Variants in LAMA4 observed in about 807,000 individuals in gnomAD.
LAMA4 encodes laminin subunit alpha 4, also known as laminin subunit alpha-4.
In LAMA4, 127 loss-of-function variants were observed where a neutral mutation model predicts 207.1. The ratio of observed to expected loss-of-function variants is 0.61; its 90% CI spans 0.53 to 0.71. The LOEUF (loss-of-function observed/expected upper bound fraction) is 0.71, where lower values mean the gene tolerates loss of function less well. Among genes scored for constraint, LAMA4 ranks in the 30% least tolerant of loss-of-function variants. LAMA4 has a pLI of 0.00. For missense variants in LAMA4, 2,093 were observed against 2,246.5 expected, an observed-to-expected ratio of 0.93 and a Z score of 1.38; for synonymous variants, 761 against 816.0, an observed-to-expected ratio of 0.93 and a Z score of 1.15.
chr6:112,124,757 ATC>A (rs1554327060), intron 31 of LAMA4, among the ~76,000 whole-genome samples: 2 of 139,558 alleles, frequency 1.4e-5, no homozygotes, highest in African/African-American at 5.5e-5. Flanking sequence ...ATATAGGGGT[ATC>A]TTTTTTTTTT....
Position 112,139,246 on chromosome 6 carries a change from G to A in LAMA4, c.3156C>T (p.Phe1052=), listed in dbSNP as rs782223725. Residue 1052 remains phenylalanine, a synonymous_variant, in exon 24 of 39, where the codon TTC becomes TTT. Coordinates refer to ENST00000230538, the MANE Select transcript of LAMA4 (RefSeq NM_001105206.3). ...FTQSRAASYF[F]DGSGYAVVRD... is the part of the protein sequence containing the mutation. ...TCACCACGGCATAACCGGAGCCATC[G>A]AAGAAGTAACTGGCAGCCCGACTCT... 5.0e-6 allele frequency: 8 copies of A among 1,614,104 alleles called. No homozygotes were observed. Among genetic ancestry groups the A allele is most frequent in the South Asian group, 2.2e-5 (2 of 91,078 alleles).
intron 2 of LAMA4, among the ~76,000 whole-genome samples, chr6:112,233,491 C>T (rs1370610138): frequency 2.0e-5 from 3 of 152,168 alleles, no homozygotes; most frequent in African/African-American, 7.2e-5. Flanking sequence ...GAAATTTAAG[C>T]TGTATCTGTA....
chr6:112,244,762 A>G (rs1786789938), intron 2 of LAMA4, among the ~76,000 whole-genome samples: 3 of 152,182 alleles, frequency 2.0e-5, no homozygotes, highest in African/African-American at 7.2e-5. Context: ...TAAGTCTGAC[A>G]TTCTATGATT....
At chr6:112,163,652 T>C (rs1262102322) in intron 13 of LAMA4, among the ~76,000 whole-genome samples, 1 of 151,688 alleles carries the variant, frequency 6.6e-6, no homozygotes, top group East Asian at 1.9e-4. Context: ...ACAGTGGGAG[T>C]CTGGGAGGTA....
chr6:112,246,101 C>T (rs756417764), intron 2 of LAMA4, among the ~76,000 whole-genome samples: 1 of 152,112 alleles, frequency 6.6e-6, no homozygotes, highest in Non-Finnish European at 1.5e-5. Flanking sequence ...GGTTAAACTT[C>T]CCTTTAGTAA....
chr6:112,154,190 C>T (rs551433933), intron 16 of LAMA4, among the ~76,000 whole-genome samples: 8 of 151,988 alleles, frequency 5.3e-5, no homozygotes, highest in Non-Finnish European at 1.2e-4. Flanking sequence ...GAGTAACTCA[C>T]AAGATTCAAA....
At position 112,131,071 on chromosome 6, in the gene LAMA4, C is replaced by A. The variant is rs1554329616; in HGVS notation, c.3865G>T (p.Gly1289Cys). ...CCCTTTACATCCATGATGACAGTAC[C>A]ATTATCCAGTGAGATGGAGAACACG... ...SDVFSISLDNGTVIMDVKGIK... is the reference protein window; with the variant it reads ...SDVFSISLDNCTVIMDVKGIK... The change falls in exon 29 of 39, where the codon GGT becomes TGT. Residue 1289 changes from glycine to cysteine, a missense_variant. This residue lies in a region of LAMA4 where 1,704 missense variants were observed against 1,788.4 expected (regional missense o/e 0.95). Transcript: ENST00000230538. 5.0e-6 allele frequency: 8 copies of A among 1,613,098 alleles called. No individual in the cohort carries two copies. Among genetic ancestry groups the A allele is most frequent in the Middle Eastern group, 1.7e-4 (1 of 6,054 alleles).
intron 12 of LAMA4, among the ~76,000 whole-genome samples, chr6:112,169,147 CT>C: frequency 6.6e-6 from 1 of 152,198 alleles, no homozygotes; most frequent in East Asian, 1.9e-4. Flanking sequence ...TTAGAGATAC[CT>C]TGAAATCGAA....
intron 2 of LAMA4, among the ~76,000 whole-genome samples, chr6:112,235,029 T>A (rs1412997909): frequency 6.6e-6 from 1 of 152,224 alleles, no homozygotes; most frequent in South Asian, 2.1e-4. Context: ...ATACTGAGGA[T>A]CCTCCTGACA....
chr6:112,133,303 A>ATT, intron 27 of LAMA4, 46 bp downstream of exon 27: 2 of 1,603,828 alleles, frequency 1.2e-6, no homozygotes, highest in Non-Finnish European at 1.7e-6. Flanking sequence ...TTTGAGAGTG[A>ATT]TAAGTATTGT....
chr6:112,178,529 G>A (rs182241786), intron 9 of LAMA4: 98 of 390,634 alleles, frequency 2.5e-4, no homozygotes, highest in Admixed American at 1.4e-3. Flanking sequence ...CCCATCACCC[G>A]AGCAGTATAC....
At position 112,150,556 on chromosome 6, in the gene LAMA4, T is replaced by C; in HGVS notation, c.2128A>G (p.Thr710Ala). The C allele has an allele frequency of 6.2e-7, 1 of 1,613,962 alleles. No homozygotes were observed. The highest frequency in any genetic ancestry group is 8.5e-7 in the Non-Finnish European group (1 of 1,179,896). ...TGCTTAACGGCATCACTGAGTCTGG[T>C]TTTAAGGGCACTTTTCCTTGCTAGG... Reference protein sequence around the residue: ...GALARKSALKTRLSDAVKQLQ... With the variant: ...GALARKSALKARLSDAVKQLQ... Residue 710 changes from threonine (T) to alanine (A), a missense_variant, in exon 17 of 39, where the codon ACC (threonine) becomes GCC (alanine). Thr to Ala is a moderately conservative substitution (Grantham distance 58, BLOSUM62 0). Coordinates refer to ENST00000230538, the MANE Select transcript of LAMA4 (RefSeq NM_001105206.3).
rs568062137 is a variant in LAMA4 at position 112,150,724 on chromosome 6, C to A, written c.2057-97G>T. Reference sequence around the variant, plus strand: ...AAACTTCTCATTTGTACGATGCAGTCATCTGCAGTATTTGCAGTATTCTGA... The same window carrying A: ...AAACTTCTCATTTGTACGATGCAGTAATCTGCAGTATTTGCAGTATTCTGA... On this transcript the variant is annotated intron_variant, in intron 16 of 38. Transcript: ENST00000230538. The A allele has an allele frequency of 8.4e-6, 7 of 838,244 alleles. No individual in the cohort carries two copies. In the African/African-American group the frequency reaches 9.9e-5, roughly 12 times the overall value. 51.9% of individuals were successfully genotyped at this position (838,244 alleles called of 1,614,324 possible).
At chr6:112,253,547 G>A (rs1787614848) in intron 2 of LAMA4, 2 of 556,128 alleles carry the variant, frequency 3.6e-6, no homozygotes, top group African/African-American at 1.9e-5. Context: ...CTGCAGTAGT[G>A]TTCCCACTGT....
At chr6:112,188,840 G>C (rs1782846478) in intron 7 of LAMA4, 1 of 408,620 alleles carries the variant, frequency 2.4e-6, no homozygotes, top group South Asian at 2.9e-5. Flanking sequence ...TTGTGTTTCT[G>C]ACTTTGCCTT....
intron 4 of LAMA4, 98 bp from the exon 5 acceptor site, chr6:112,201,786 G>C: frequency 2.1e-6 from 2 of 945,456 alleles, no homozygotes; most frequent in Non-Finnish European, 3.5e-6. Flanking sequence ...TCCCATTAAA[G>C]TTCTAATGGG....
intron 11 of LAMA4, 82 bp from the exon 12 acceptor site, chr6:112,172,886 A>G (rs1450854629): frequency 9.0e-7 from 1 of 1,110,418 alleles, no homozygotes; most frequent in African/African-American, 1.5e-5. Context: ...AAAGTTGCAA[A>G]ATTCTCAGGC....
chr6:112,175,649 G>A (rs532854033), intron 10 of LAMA4, among the ~76,000 whole-genome samples, 169 bp from the exon 11 acceptor site: 40 of 152,298 alleles, frequency 2.6e-4, no homozygotes, highest in Non-Finnish European at 2.2e-4. Flanking sequence ...CAGCGAGCAT[G>A]GAAGCTCATC....
intron 2 of LAMA4, among the ~76,000 whole-genome samples, chr6:112,237,956 T>G (rs191640533): frequency 3.3e-5 from 5 of 152,246 alleles, no homozygotes; most frequent in Non-Finnish European, 5.9e-5. Context: ...CTCACTGTGT[T>G]TCTCTTTCTT....
Sources: allele counts gnomAD v4.1 joint callset (sites outside exome capture counted in the v4.1 genomes callset), GRCh38; gene constraint gnomAD v4.1.1; regional missense constraint gnomAD v4.1.1; transcripts MANE v1.5; gene names NCBI Gene and HGNC (gene_info 2026-07-23, HGNC 2026-07-21).